The following CEPT1 variants were observed in gnomAD, a reference collection of about 807,000 sequenced individuals.
CEPT1 encodes choline/ethanolamine phosphotransferase 1, also known as choline/ethanolaminephosphotransferase 1.
In CEPT1, 7 loss-of-function variants were observed where a neutral mutation model predicts 42.6. The observed-to-expected ratio is 0.16, with a 90% CI of 0.09 to 0.31. CEPT1 has a LOEUF of 0.31. Ranked by LOEUF, CEPT1 falls within the 10% of genes least tolerant of loss-of-function variation. The probability of loss-of-function intolerance (pLI) is 1.00; values close to 1 mark genes in which losing one functional copy is unlikely to be tolerated. For synonymous variants in CEPT1, 171 were observed against 171.9 expected, an observed-to-expected ratio of 0.99 and a Z score of 0.04; for missense variants, 306 against 502.1, an observed-to-expected ratio of 0.61 and a Z score of 3.73.
chr1:111,139,571 T>A (rs1261865120), upstream of CEPT1: 2 of 152,282 alleles, frequency 1.3e-5, no homozygotes, highest in African/African-American at 4.8e-5. Flanking sequence ...AGATTCTTGG[T>A]AACTGCTTCA....
At chr1:111,156,384 A>G (rs1234326045) in intron 2 of CEPT1, among the ~76,000 whole-genome samples, 3 of 152,170 alleles carry the variant, frequency 2.0e-5, no homozygotes, top group Non-Finnish European at 2.9e-5. Context: ...TTCTGCAGCT[A>G]TGGAATGAAA....
intron 5 of CEPT1, among the ~76,000 whole-genome samples, chr1:111,177,175 G>A (rs1404383712): frequency 6.6e-6 from 1 of 152,224 alleles, no homozygotes; most frequent in African/African-American, 2.4e-5. Flanking sequence ...GCATTGGGGA[G>A]AACCTGTTGT....
intron 4 of CEPT1, among the ~76,000 whole-genome samples, chr1:111,161,870 G>A (rs1013989888): frequency 3.3e-5 from 5 of 152,196 alleles, no homozygotes; most frequent in African/African-American, 9.7e-5. Context: ...ACCATATGGT[G>A]TGGGAACTGA....
rs201760724 is a variant in CEPT1, at chr1:111,183,510, A to G, written c.1054A>G (p.Ile352Val). 6 of 1,613,780 alleles carry G rather than the reference A, an allele frequency of 3.7e-6. No individual in the cohort carries two copies. Among genetic ancestry groups the G allele is most frequent in the East Asian group, 2.2e-5 (1 of 44,872 alleles). ...SEMHLHDTAF[I>V]GPALLFLDQY... is the part of the protein sequence containing the mutation. ...AATGCATTTGCATGACACAGCATTC[A>G]TAGGTCCGGCACTTTTGTTTCTGGA... The change falls in exon 8 of 9, where the codon ATA (isoleucine) becomes GTA (valine). Residue 352 changes from isoleucine to valine, a missense_variant. Ile to Val is a conservative substitution (Grantham distance 29). Coordinates refer to ENST00000357172, the MANE Select transcript of CEPT1 (RefSeq NM_006090.5).
At chr1:111,177,724 T>A (rs1212258146) in intron 5 of CEPT1, among the ~76,000 whole-genome samples, 1 of 152,242 alleles carries the variant, frequency 6.6e-6, no homozygotes. Context: ...ACATCCTTTT[T>A]AAATTATATG....
chr1:111,176,465 C>T (rs961516735), intron 5 of CEPT1, among the ~76,000 whole-genome samples: 1 of 151,980 alleles, frequency 6.6e-6, no homozygotes, highest in African/African-American at 2.4e-5. Context: ...AGTTTTCCCC[C>T]CAAAATTATT....
chr1:111,140,683 A>T (rs1571098163), intron 1 of CEPT1: 1 of 152,466 alleles, frequency 6.6e-6, no homozygotes, highest in Admixed American at 6.5e-5. Flanking sequence ...TGCCGAACGG[A>T]CCTTGCTTGT....
chr1:111,174,597 G>C (rs1385104693), intron 4 of CEPT1, among the ~76,000 whole-genome samples: 1 of 151,042 alleles, frequency 6.6e-6, no homozygotes, highest in Non-Finnish European at 1.5e-5. Flanking sequence ...GGTGGGAAAG[G>C]TTAACCTATG....
intron 2 of CEPT1, among the ~76,000 whole-genome samples, chr1:111,154,494 G>C (rs1338251360): frequency 6.6e-6 from 1 of 152,024 alleles, no homozygotes; most frequent in Non-Finnish European, 1.5e-5. Context: ...TCTTTCTCTT[G>C]TTTAATTACT....
intron 4 of CEPT1, among the ~76,000 whole-genome samples, chr1:111,174,104 A>G (rs771268579): frequency 4.6e-5 from 7 of 152,154 alleles, no homozygotes; most frequent in Non-Finnish European, 1.0e-4. Flanking sequence ...TCAAAATTGT[A>G]GAAGGTGCTA....
chr1:111,174,931 G>T lies in CEPT1; in HGVS notation c.682G>T (p.Val228Leu), dbSNP rs904141923. Residue 228 changes from valine (V) to leucine (L), a missense_variant, in exon 5 of 9, where the codon GTG becomes TTG. Around this residue, in one of 2 missense-constraint regions of CEPT1, gnomAD observed 253 missense variants for 447.3 expected, o/e 0.57. Transcript: ENST00000357172. ...CATAATAATCATGCATTTGCTGGCA[G>T]TGATTGGAGGACCACCTTTTTGGCA... ...IFIIIMHLLA[V>L]IGGPPFWQSM... 6.2e-7 allele frequency: 1 copy of T among 1,612,508 alleles called. No individual in the cohort carries two copies. The highest frequency in any genetic ancestry group is 1.7e-5 in the Admixed American group (1 of 60,000).
intron 4 of CEPT1, among the ~76,000 whole-genome samples, chr1:111,164,065 A>T (rs1452860158): frequency 6.6e-6 from 1 of 152,192 alleles, no homozygotes; most frequent in African/African-American, 2.4e-5. Context: ...TGTTTGCCAG[A>T]TAAGAATTTT....
intron 1 of CEPT1, among the ~76,000 whole-genome samples, chr1:111,144,070 C>A (rs761898737): frequency 4.6e-5 from 7 of 152,142 alleles, no homozygotes; most frequent in Non-Finnish European, 8.8e-5. Context: ...TTCTGTATTC[C>A]CACCCCACAT....
rs1654602282 is a variant in CEPT1, at chr1:111,141,750, G to A, written c.-74+1443G>A. ...AAAAGGCTTTTGTTTTTGTAAACTT[G>A]CTCTATGTATCACTTGTTAAATAAT... On this transcript the variant is annotated intron_variant, in intron 1 of 8. Transcript: ENST00000357172. 2.6e-5 allele frequency among the ~76,000 whole-genome samples: 4 copies of A among 152,208 alleles called. No individual in the cohort carries two copies. In the South Asian group the frequency reaches 8.3e-4, roughly 32 times the overall value.
upstream of CEPT1, chr1:111,139,689 G>A (rs899304618): frequency 1.3e-5 from 2 of 152,388 alleles, no homozygotes; most frequent in African/African-American, 4.8e-5. Flanking sequence ...AAAGACGCGA[G>A]AGACGGAACT....
chr1:111,173,962 A>T lies in CEPT1; in HGVS notation c.630-917A>T, dbSNP rs187998390. On this transcript the variant is annotated intron_variant, in intron 4 of 8. Coordinates refer to ENST00000357172, the MANE Select transcript of CEPT1 (RefSeq NM_006090.5). ...CTATTCCCTCTGAGGGAATTTTTTT[A>T]AATTATGCTATTATAAATTTATAAT... Among the ~76,000 whole-genome samples, 586 of 152,190 alleles carry T rather than the reference A, an allele frequency of 3.9e-3. 1 individual carries two copies. The highest frequency in any genetic ancestry group is 0.013 in the African/African-American group (536 of 41,536).
chr1:111,168,891 A>G (rs1656276030), intron 4 of CEPT1, among the ~76,000 whole-genome samples: 1 of 152,196 alleles, frequency 6.6e-6, no homozygotes, highest in Non-Finnish European at 1.5e-5. Flanking sequence ...TTGTCCCTCC[A>G]TATCTGTGAG....
intron 4 of CEPT1, among the ~76,000 whole-genome samples, chr1:111,170,206 A>T (rs1031608587): frequency 1.3e-5 from 2 of 152,184 alleles, no homozygotes; most frequent in African/African-American, 4.8e-5. Flanking sequence ...CAAAGGTGAT[A>T]AAGATAGACT....
chr1:111,151,177 TGCAGTGGCGCAG>T (rs1341626710), intron 2 of CEPT1, among the ~76,000 whole-genome samples: 2 of 148,120 alleles, frequency 1.4e-5, no homozygotes, highest in Non-Finnish European at 3.0e-5. Flanking sequence ...CAGGCTGGAG[TGCAGTGGCGCAG>T]TCTCGGTTCA....
Sources: allele counts gnomAD v4.1 joint callset (sites outside exome capture counted in the v4.1 genomes callset), GRCh38; gene constraint gnomAD v4.1.1; regional missense constraint gnomAD v4.1.1; transcripts MANE v1.5; gene names NCBI Gene and HGNC (gene_info 2026-07-23, HGNC 2026-07-21).